NOSIP: variants seen among roughly 807,000 people sequenced by gnomAD.
NOSIP encodes the protein nitric oxide synthase-interacting protein.
Under a neutral mutation model 36.4 loss-of-function variants are expected in NOSIP, and 25 were observed. The observed-to-expected ratio is 0.69, with a 90% CI of 0.50 to 0.96. The LOEUF (loss-of-function observed/expected upper bound fraction) is 0.96. Among genes scored for constraint, NOSIP ranks in the 40% least tolerant of loss-of-function variants. NOSIP has a pLI of 0.00. For synonymous variants in NOSIP, 187 were observed against 179.2 expected, an observed-to-expected ratio of 1.04 and a Z score of -0.35; for missense variants, 370 against 429.0, an observed-to-expected ratio of 0.86 and a Z score of 1.21.
At chr19:49,577,925 T>C (rs1444014106) in intron 1 of NOSIP, among the ~76,000 whole-genome samples, 1 of 152,044 alleles carries the variant, frequency 6.6e-6, no homozygotes, top group Non-Finnish European at 1.5e-5. Context: ...AGCAGAGTAG[T>C]GGCTGCCAAA....
intron 1 of NOSIP, among the ~76,000 whole-genome samples, chr19:49,569,681 G>A (rs1198061894): frequency 2.6e-5 from 4 of 151,524 alleles, no homozygotes; most frequent in East Asian, 2.0e-4. Flanking sequence ...GGTGGCAGGC[G>A]CCTGTAATCT....
Position 49,560,370 on chromosome 19 carries a change from ATG to A in NOSIP, c.70+250_70+251del. ...GGGCCTCAGTTTCTTCCTCTGGAACATGGGGTAACAAGAGCACCCTCCCTGAC... is the reference window on the plus strand; with the variant it reads ...GGGCCTCAGTTTCTTCCTCTGGAACAGGGTAACAAGAGCACCCTCCCTGAC... On this transcript the variant is annotated intron_variant, in intron 2 of 8. Transcript: ENST00000596358. The surrounding 1 kb of genome is among the most constrained non-coding windows in gnomAD (Gnocchi z 4.6). The A allele has an allele frequency of 1.7e-6, 1 of 580,906 alleles. No homozygotes were observed. Among genetic ancestry groups the A allele is most frequent in the Non-Finnish European group, 3.1e-6 (1 of 325,146 alleles). The allele number at this position is 580,906 out of a possible 1,614,324, so 36.0% of individuals were successfully genotyped here.
chr19:49,576,311 G>A (rs2080552622), intron 1 of NOSIP, among the ~76,000 whole-genome samples: 1 of 151,738 alleles, frequency 6.6e-6, no homozygotes, highest in African/African-American at 2.4e-5. Context: ...TGAGCAACAT[G>A]CCAAAACCCT....
intron 4 of NOSIP, chr19:49,557,661 T>TG (rs1459249851): frequency 5.9e-6 from 6 of 1,022,596 alleles, no homozygotes; most frequent in Non-Finnish European, 7.0e-6. Context: ...ATACAGTGCA[T>TG]GCCCCAGCCC....
At chr19:49,569,415 G>A (rs1367353652) in intron 1 of NOSIP, among the ~76,000 whole-genome samples, 1 of 145,538 alleles carries the variant, frequency 6.9e-6, no homozygotes, top group Non-Finnish European at 1.5e-5. Flanking sequence ...AGCCAGGATG[G>A]TCTTGATCTC....
Position 49,577,043 on chromosome 19 carries a change from C to T in NOSIP, c.-2+3472G>A, listed in dbSNP as rs1327911883. ...CAGTTCTTCAAAGATCTACAAATGGCCAATAAGCATGTTAAAAGACACCAG... is the reference window on the plus strand; with the variant it reads ...CAGTTCTTCAAAGATCTACAAATGGTCAATAAGCATGTTAAAAGACACCAG... On this transcript the variant is annotated intron_variant, in intron 1 of 8. Transcript: ENST00000596358. Among the ~76,000 whole-genome samples, 3 of 151,878 alleles carry T rather than the reference C, an allele frequency of 2.0e-5. No individual in the cohort carries two copies. The East Asian group carries it at 5.8e-4, about 29-fold the overall frequency.
At chr19:49,569,229 C>G (rs1420868952) in intron 1 of NOSIP, among the ~76,000 whole-genome samples, 1 of 140,946 alleles carries the variant, frequency 7.1e-6, no homozygotes, top group South Asian at 2.3e-4. Flanking sequence ...GACGTTATCT[C>G]GCTCTTTCAC....
At position 49,557,095 on chromosome 19, in the gene NOSIP, C is replaced by CTGG. The variant is rs776057381; in HGVS notation, c.410_412dup (p.Thr137dup). The CTGG allele has an allele frequency of 4.1e-5, 66 of 1,611,184 alleles. No individual in the cohort carries two copies. The East Asian group carries it at 1.4e-3, about 34-fold the overall frequency. On this transcript the variant is annotated inframe_insertion, in exon 5 of 9. Coordinates refer to ENST00000596358, the MANE Select transcript of NOSIP (RefSeq NM_001270960.2). ...AGAAGCCCAACCTGAGTCACCTGGG[C>CTGG]TGGTGCCCGAGAGGGCCTTGGCTGT... is the stretch of plus-strand genomic sequence containing the variant.
At chr19:49,572,769 T>C (rs1164306988) in intron 1 of NOSIP, among the ~76,000 whole-genome samples, 2 of 149,602 alleles carry the variant, frequency 1.3e-5, no homozygotes, top group Non-Finnish European at 3.0e-5. Context: ...AGGTCAGGAG[T>C]TCAAGACCAG....
intron 3 of NOSIP, 34 bp from the exon 4 acceptor site, chr19:49,559,012 A>G (rs748280866): frequency 6.3e-7 from 1 of 1,579,282 alleles, no homozygotes; most frequent in East Asian, 2.2e-5. Flanking sequence ...AAAGAAAGAA[A>G]GTGATCCTCC....
intron 1 of NOSIP, among the ~76,000 whole-genome samples, chr19:49,578,640 T>C (rs1260759716): frequency 6.6e-6 from 1 of 151,400 alleles, no homozygotes; most frequent in Non-Finnish European, 1.5e-5. Context: ...ACCTTGTCTC[T>C]ATCTATTTTT....
At chr19:49,576,884 C>CAA (rs58441193) in intron 1 of NOSIP, among the ~76,000 whole-genome samples, 627 of 46,612 alleles carry the variant, frequency 0.013, 12 homozygotes, top group African/African-American at 0.022. Context: ...AACTCTGTCT[C>CAA]AAAAAAAAAA....
chr19:49,557,688 A>G, intron 4 of NOSIP: 1 of 1,003,472 alleles, frequency 1.0e-6, no homozygotes, highest in South Asian at 4.5e-5. Context: ...GGGACGGGGG[A>G]TGTAGACTTC....
intron 1 of NOSIP, among the ~76,000 whole-genome samples, chr19:49,564,284 C>G (rs1237357383): frequency 1.3e-5 from 2 of 151,862 alleles, no homozygotes; most frequent in Non-Finnish European, 2.9e-5. Flanking sequence ...AAAACCCCAT[C>G]TGTACTAAAA....
chr19:49,560,026 A>G lies in NOSIP; in HGVS notation c.84T>C (p.Tyr28=), dbSNP rs2122796534. ...EKKKDTAASG[Y]GTQNIRLSRD... ...GGCTCAGTCGAATGTTCTGGGTCCCATAGCCCGAGGCCGCTGGGGACAGAG... is the reference window on the plus strand; with the variant it reads ...GGCTCAGTCGAATGTTCTGGGTCCCGTAGCCCGAGGCCGCTGGGGACAGAG... Residue 28 remains tyrosine (Y), a synonymous_variant, in exon 3 of 9, where the codon TAT becomes TAC. Transcript: ENST00000596358. This position sits in a 1 kb window ranked among gnomAD's most constrained non-coding sequence, Gnocchi z 4.6. The G allele has an allele frequency of 6.2e-7, 1 of 1,613,432 alleles. No individual in the cohort carries two copies. The highest frequency in any genetic ancestry group is 8.5e-7 in the Non-Finnish European group (1 of 1,179,540).
At position 49,567,145 on chromosome 19, in the gene NOSIP, C is replaced by T. The variant is rs1479865120; in HGVS notation, c.-1-6453G>A. ...AACTTTTTTTTTTTTTTTTTTGAGA[C>T]GGAGTCTCGCTCTGTCTCCCAGGCT... On this transcript the variant is annotated intron_variant, in intron 1 of 8. Coordinates refer to ENST00000596358, the MANE Select transcript of NOSIP (RefSeq NM_001270960.2). Among the ~76,000 whole-genome samples the T allele has an allele frequency of 6.5e-5, 7 of 107,360 alleles. No homozygotes were observed. The East Asian group carries it at 8.5e-4, about 13-fold the overall frequency. The allele number at this position is 107,360 out of a possible 152,430, so 70.4% of individuals were successfully genotyped here. A position where few individuals can be genotyped will look rare whatever the true frequency, so the allele number is the denominator to read the frequency against.
At chr19:49,575,665 C>T (rs2080542454) in intron 1 of NOSIP, among the ~76,000 whole-genome samples, 1 of 152,164 alleles carries the variant, frequency 6.6e-6, no homozygotes, top group Non-Finnish European at 1.5e-5. Context: ...GCAGGCCAAA[C>T]AGCCCCTGTA....
chr19:49,571,742 T>C (rs2080486421), intron 1 of NOSIP, among the ~76,000 whole-genome samples: 1 of 152,060 alleles, frequency 6.6e-6, no homozygotes, highest in Admixed American at 6.6e-5. Flanking sequence ...ATGCCAGCAC[T>C]CTGGGAGGCT....
chr19:49,559,147 C>A, intron 3 of NOSIP, 169 bp from the exon 4 acceptor site: 1 of 638,618 alleles, frequency 1.6e-6, no homozygotes, highest in Non-Finnish European at 2.8e-6. Flanking sequence ...TAGTTTACTG[C>A]AGTGAAAGGA....
Sources: gnomAD v4.1 joint callset for allele counts (sites outside exome capture counted in the v4.1 genomes callset) on GRCh38, gnomAD v4.1.1 for gene constraint, Gnocchi (gnomAD v3.1) non-coding constraint, MANE v1.5 for transcripts, NCBI Gene and HGNC (gene_info 2026-07-23, HGNC 2026-07-21) for gene names.